Variants in STYK1 observed in about 807,000 individuals in gnomAD.
The protein encoded by STYK1 is tyrosine-protein kinase STYK1.
STYK1 carries 46 observed loss-of-function variants against 48.1 expected under a neutral mutation model. The observed-to-expected ratio is 0.96, with a 90% CI of 0.75 to 1.22. STYK1 has a LOEUF of 1.22. STYK1 is among the 50% of genes most tolerant of loss of function. STYK1 has a pLI of 0.00. For missense variants in STYK1, 527 were observed against 521.1 expected, an observed-to-expected ratio of 1.01 and a Z score of -0.11; for synonymous variants, 188 against 189.0, an observed-to-expected ratio of 0.99 and a Z score of 0.04.
chr12:10,637,364 G>T (rs113586837), intron 1 of STYK1, among the ~76,000 whole-genome samples, 168 bp from the exon 2 acceptor site: 2,315 of 148,050 alleles, frequency 0.016, 60 homozygotes, highest in African/African-American at 0.055. Flanking sequence ...TTGAGACGGG[G>T]TCTCACTCTG....
In STYK1 at chr12:10,620,021, G is replaced by A. The variant is rs1865879910; in HGVS notation, c.*123C>T. 8 of 1,088,282 alleles carry A rather than the reference G, an allele frequency of 7.4e-6. No individual in the cohort carries two copies. Among genetic ancestry groups the A allele is most frequent in the Non-Finnish European group, 9.6e-6 (7 of 732,964 alleles). The allele number at this position is 1,088,282 out of a possible 1,614,324, so 67.4% of individuals were successfully genotyped here. A position where few individuals can be genotyped will look rare whatever the true frequency, so the allele number is the denominator to read the frequency against. On this transcript the variant is annotated 3_prime_UTR_variant, in exon 11 of 11. Transcript: ENST00000075503. ...CAGATTTCCCGAGAAATGTGTAAAG[G>A]AAGATCAAGAATCCATGTCCCATTT... is the stretch of plus-strand genomic sequence containing the variant.
chr12:10,625,898 C>T (rs1355099707), intron 7 of STYK1, among the ~76,000 whole-genome samples: 1 of 152,050 alleles, frequency 6.6e-6, no homozygotes, highest in Non-Finnish European at 1.5e-5. Flanking sequence ...CTAGTACAGC[C>T]AACAGAGCAT....
In STYK1 at chr12:10,624,254, T is replaced by TA. The variant is rs145247786; in HGVS notation, c.926+396dup. ...TAGGCAACATGGTGAACCTTGTCTC[T>TA]AAAAAAAAAAGAAAAAAAAAATAGC... On this transcript the variant is annotated intron_variant, in intron 8 of 10. Coordinates refer to ENST00000075503, the MANE Select transcript of STYK1 (RefSeq NM_018423.3). Among the ~76,000 whole-genome samples, 307 of 142,632 alleles carry TA rather than the reference T, an allele frequency of 2.2e-3. 2 individuals are homozygous for TA. In the East Asian group the frequency reaches 0.023, roughly 11 times the overall value. 93.6% of individuals were successfully genotyped at this position (142,632 alleles called of 152,430 possible).
chr12:10,629,556 G>C lies in STYK1; in HGVS notation c.570C>G (p.Leu190=), dbSNP rs758168434. The C allele has an allele frequency of 6.2e-7, 1 of 1,614,178 alleles. No individual in the cohort carries two copies. The change falls in exon 6 of 11, where the codon CTC becomes CTG. Residue 190 remains leucine (L), a synonymous_variant. Coordinates refer to ENST00000075503, the MANE Select transcript of STYK1 (RefSeq NM_018423.3). ...GGGCCACATCCTCCAACACCATATA[G>C]AGTGGCAGCTTTTCAGTGCAGCAGC... ...LEGCCTEKLP[L]YMVLEDVAQG... is the part of the protein sequence containing the mutation.
chr12:10,662,111 C>G (rs1362378440), intron 1 of STYK1, among the ~76,000 whole-genome samples: 1 of 152,212 alleles, frequency 6.6e-6, no homozygotes, highest in African/African-American at 2.4e-5. Context: ...TTGACTCATA[C>G]AGTATGTGGA....
intron 1 of STYK1, among the ~76,000 whole-genome samples, chr12:10,667,068 T>C (rs1429348577): frequency 6.6e-6 from 1 of 152,210 alleles, no homozygotes; most frequent in African/African-American, 2.4e-5. Context: ...ATAATTTTAA[T>C]TTAGATCAAT....
At chr12:10,629,430 A>C in intron 6 of STYK1, 63 bp downstream of exon 6, 1 of 1,542,240 alleles carries the variant, frequency 6.5e-7, no homozygotes, top group Non-Finnish European at 8.9e-7. Context: ...ACTAACTGAC[A>C]TGTAAAAAGC....
At chr12:10,623,928 G>T (rs1271764593) in intron 8 of STYK1, among the ~76,000 whole-genome samples, 1 of 151,888 alleles carries the variant, frequency 6.6e-6, no homozygotes, top group African/African-American at 2.4e-5. Context: ...AACAGATAAT[G>T]TACATTTATA....
intron 1 of STYK1, among the ~76,000 whole-genome samples, chr12:10,644,307 C>A (rs1324063485): frequency 6.6e-6 from 1 of 152,062 alleles, no homozygotes; most frequent in African/African-American, 2.4e-5. Flanking sequence ...AAGAACTATG[C>A]ACAGAGAGGA....
intron 1 of STYK1, among the ~76,000 whole-genome samples, chr12:10,668,176 T>C (rs1240663691): frequency 1.3e-5 from 2 of 152,096 alleles, no homozygotes; most frequent in Non-Finnish European, 2.9e-5. Flanking sequence ...AACTCTACCC[T>C]CCATTTTTCA....
Position 10,621,876 on chromosome 12 carries a change from A to G in STYK1, c.1064T>C (p.Met355Thr). 1.2e-6 allele frequency: 2 copies of G among 1,613,472 alleles called. No homozygotes were observed. Among genetic ancestry groups the G allele is most frequent in the Middle Eastern group, 3.3e-4 (2 of 6,054 alleles). The part of the protein sequence containing the change: ...MKRPSSCTHT[M>T]YSIMKSCWRW... ...GAGCAGGCCTTTAAAAACCACTTAC[A>G]TGGTATGTGTGCAGCTACTGGGTCT... The change falls in exon 10 of 11, where the codon ATG (methionine) becomes ACG (threonine). Residue 355 changes from methionine to threonine, a missense_variant and splice_region_variant. Transcript: ENST00000075503.
At chr12:10,653,765 C>G (rs1947688492) in intron 1 of STYK1, among the ~76,000 whole-genome samples, 4 of 152,120 alleles carry the variant, frequency 2.6e-5, no homozygotes, top group Admixed American at 2.0e-4. Flanking sequence ...GCAATACCTG[C>G]TACCCTCATG....
intron 1 of STYK1, among the ~76,000 whole-genome samples, chr12:10,657,642 C>A (rs1246697554): frequency 6.6e-6 from 1 of 152,124 alleles, no homozygotes; most frequent in South Asian, 2.1e-4. Flanking sequence ...GTTTGGTATA[C>A]CTGCTTTAGA....
intron 1 of STYK1, among the ~76,000 whole-genome samples, chr12:10,657,112 G>C (rs1318399853): frequency 6.6e-6 from 1 of 152,164 alleles, no homozygotes; most frequent in Non-Finnish European, 1.5e-5. Context: ...AGTTCCATAG[G>C]AGGTGGGCTG....
chr12:10,637,724 C>G (rs1025912664), intron 1 of STYK1, among the ~76,000 whole-genome samples: 3 of 152,154 alleles, frequency 2.0e-5, no homozygotes, highest in African/African-American at 4.8e-5. Context: ...CACACAGAGG[C>G]CACCAAAGCT....
chr12:10,624,997 C>A, intron 7 of STYK1, 138 bp from the exon 8 acceptor site: 1 of 694,970 alleles, frequency 1.4e-6, no homozygotes, highest in South Asian at 1.7e-5. Flanking sequence ...AATGATATGT[C>A]ACTTCCAAAG....
At chr12:10,629,701 T>C in intron 5 of STYK1, 27 bp from the exon 6 acceptor site, 1 of 1,613,840 alleles carries the variant, frequency 6.2e-7, no homozygotes, top group East Asian at 2.2e-5. Flanking sequence ...ATCCAGGCAG[T>C]GAGCAGTCAG....
intron 1 of STYK1, among the ~76,000 whole-genome samples, chr12:10,639,299 A>G (rs1351093397): frequency 6.6e-6 from 1 of 152,092 alleles, no homozygotes; most frequent in East Asian, 1.9e-4. Flanking sequence ...GATCTAATAA[A>G]CCTGTGTTTA....
intron 1 of STYK1, among the ~76,000 whole-genome samples, chr12:10,658,441 C>T (rs60822618): frequency 0.029 from 4,414 of 152,226 alleles, 220 homozygotes; most frequent in African/African-American, 0.099. Context: ...GGAAAGCTGT[C>T]TTCCCTCTAT....
Sources: allele counts gnomAD v4.1 joint callset (sites outside exome capture counted in the v4.1 genomes callset), GRCh38; gene constraint gnomAD v4.1.1; transcripts MANE v1.5; gene names NCBI Gene and HGNC (gene_info 2026-07-23, HGNC 2026-07-21).